ROR1: variants seen among roughly 807,000 people sequenced by gnomAD.
ROR1 encodes the protein inactive tyrosine-protein kinase transmembrane receptor ROR1.
A neutral mutation model predicts 78.8 loss-of-function variants in ROR1; 19 were observed. The ratio of observed to expected loss-of-function variants is 0.24; its 90% confidence interval spans 0.17 to 0.35. The LOEUF (loss-of-function observed/expected upper bound fraction) is 0.35, where lower values mean the gene tolerates loss of function less well. Among genes scored for constraint, ROR1 ranks in the 10% least tolerant of loss-of-function variants. ROR1 has a pLI of 1.00. For synonymous variants in ROR1, 386 were observed against 433.6 expected (o/e 0.89, Z 1.36); for missense variants, 917 against 1,177.8 (o/e 0.78, Z 3.24).
At chr1:63,829,933 C>A (rs538247045) in intron 1 of ROR1, among the ~76,000 whole-genome samples, 4 of 152,096 alleles carry the variant, frequency 2.6e-5, no homozygotes, top group African/African-American at 9.6e-5. Context: ...AAAGGGCCTT[C>A]CAGAAAGTAA....
chr1:63,882,422 A>G (rs139982447), intron 1 of ROR1, among the ~76,000 whole-genome samples: 2 of 152,252 alleles, frequency 1.3e-5, no homozygotes, highest in Non-Finnish European at 2.9e-5. Flanking sequence ...CTCTATACTG[A>G]TGGCTTGGTT....
intron 1 of ROR1, among the ~76,000 whole-genome samples, chr1:63,896,620 G>A (rs543934514): frequency 3.3e-5 from 5 of 152,230 alleles, no homozygotes; most frequent in South Asian, 2.1e-4. Context: ...GCGAAGCACC[G>A]GAAATGACTG....
At chr1:64,098,963 G>T (rs2100654115) in intron 4 of ROR1, among the ~76,000 whole-genome samples, 1 of 152,110 alleles carries the variant, frequency 6.6e-6, no homozygotes, top group South Asian at 2.1e-4. Context: ...CTGTTTTACA[G>T]TTCATAAAGC....
chr1:64,109,979 C>T (rs72916910), intron 4 of ROR1, among the ~76,000 whole-genome samples: 1 of 152,122 alleles, frequency 6.6e-6, no homozygotes, highest in Admixed American at 6.6e-5. Context: ...GACATCACTT[C>T]CTCTAGGAAG....
chr1:64,084,049 C>T (rs865796387), intron 4 of ROR1, among the ~76,000 whole-genome samples: 3 of 152,146 alleles, frequency 2.0e-5, no homozygotes, highest in Admixed American at 6.5e-5. Flanking sequence ...TTGAATTTTC[C>T]TAGTTCAACT....
At chr1:64,166,912 C>A (rs1262608423) in intron 8 of ROR1, among the ~76,000 whole-genome samples, 2 of 152,170 alleles carry the variant, frequency 1.3e-5, no homozygotes, top group Non-Finnish European at 2.9e-5. Flanking sequence ...AAAAACAAGT[C>A]CTATAAATGA....
intron 1 of ROR1, among the ~76,000 whole-genome samples, chr1:63,891,990 G>A (rs1316175616): frequency 6.6e-6 from 1 of 152,070 alleles, no homozygotes; most frequent in Admixed American, 6.6e-5. Context: ...CTTGGTTCTG[G>A]TTCACTGGAG....
chr1:63,875,176 A>G (rs11208312), intron 1 of ROR1, among the ~76,000 whole-genome samples: 60,869 of 152,014 alleles, frequency 0.4, 13,426 homozygotes, highest in African/African-American at 0.59. Flanking sequence ...TTGTAAAGTC[A>G]GGGGTAATCA....
intron 8 of ROR1, among the ~76,000 whole-genome samples, chr1:64,164,351 T>G (rs923890078): frequency 2.9e-4 from 44 of 152,202 alleles, no homozygotes; most frequent in African/African-American, 1.0e-3. Flanking sequence ...CTGATACACT[T>G]CAAAGAGCAA....
intron 1 of ROR1, among the ~76,000 whole-genome samples, chr1:63,899,815 T>C (rs991073193): frequency 6.6e-6 from 1 of 151,908 alleles, no homozygotes; most frequent in Admixed American, 6.6e-5. Flanking sequence ...AATGCAGTTT[T>C]GGTAAAGTTG....
At chr1:63,946,601 G>C (rs144195732) in intron 1 of ROR1, among the ~76,000 whole-genome samples, 1 of 152,312 alleles carries the variant, frequency 6.6e-6, no homozygotes, top group East Asian at 1.9e-4. Context: ...TTTGAAGAAA[G>C]ATATAATTTC....
chr1:63,846,165 TG>T (rs1258983343), intron 1 of ROR1, among the ~76,000 whole-genome samples: 4 of 117,626 alleles, frequency 3.4e-5, no homozygotes, highest in East Asian at 2.1e-4. Flanking sequence ...TGTGTGTGTG[TG>T]TGTGTTTGAG....
chr1:63,991,375 A>C (rs1447610077), intron 1 of ROR1, among the ~76,000 whole-genome samples: 1 of 152,218 alleles, frequency 6.6e-6, no homozygotes, highest in African/African-American at 2.4e-5. Flanking sequence ...TAAAAATATT[A>C]TAGATCACAG....
At chr1:63,992,955 G>A (rs990199314) in intron 1 of ROR1, among the ~76,000 whole-genome samples, 1 of 152,040 alleles carries the variant, frequency 6.6e-6, no homozygotes, top group Admixed American at 6.6e-5. Flanking sequence ...CTTAACCCAT[G>A]TCTTTTTCTG....
intron 1 of ROR1, among the ~76,000 whole-genome samples, chr1:63,937,615 G>A (rs979389062): frequency 2.0e-5 from 3 of 152,160 alleles, no homozygotes. Flanking sequence ...GCTCAGAGAA[G>A]TGAGTGGTCC....
At chr1:63,911,951 G>A (rs753523029) in intron 1 of ROR1, among the ~76,000 whole-genome samples, 1 of 151,974 alleles carries the variant, frequency 6.6e-6, no homozygotes, top group Non-Finnish European at 1.5e-5. Context: ...CACCTGCCAC[G>A]TGTGTGTGGA....
chr1:63,970,858 T>C (rs1036261302), intron 1 of ROR1, among the ~76,000 whole-genome samples: 16 of 152,340 alleles, frequency 1.1e-4, no homozygotes, highest in African/African-American at 3.8e-4. Context: ...GCAGAAGTGG[T>C]GGAACCAATG....
intron 4 of ROR1, among the ~76,000 whole-genome samples, chr1:64,078,109 A>G (rs1451318740): frequency 6.6e-6 from 1 of 152,246 alleles, no homozygotes; most frequent in African/African-American, 2.4e-5. Context: ...CCATTGCTAC[A>G]GTTGATCAAG....
chr1:63,818,073 G>A (rs950636701), intron 1 of ROR1, among the ~76,000 whole-genome samples: 5 of 152,140 alleles, frequency 3.3e-5, no homozygotes, highest in African/African-American at 1.2e-4. Flanking sequence ...TTGCTGTTTT[G>A]AGGATGAGAA....
Sources: allele counts gnomAD v4.1 joint callset (sites outside exome capture counted in the v4.1 genomes callset), GRCh38; gene constraint gnomAD v4.1.1; transcripts MANE v1.5; gene names NCBI Gene and HGNC (gene_info 2026-07-23, HGNC 2026-07-21).